Variants in UGGT2 observed in about 807,000 individuals in gnomAD.
UGGT2 encodes UDP-glucose glycoprotein glucosyltransferase 2, also known as UDP-glucose:glycoprotein glucosyltransferase 2.
In UGGT2, 180 loss-of-function variants were observed where a neutral mutation model predicts 192.1. That is an observed-to-expected ratio of 0.94 (90% CI 0.83 to 1.06). The LOEUF (loss-of-function observed/expected upper bound fraction) is 1.06. UGGT2 is among the 50% of genes least tolerant of loss of function. The pLI is 0.00. For missense variants in UGGT2, 1,849 were observed against 1,795.7 expected, an observed-to-expected ratio of 1.03 and a Z score of -0.54; for synonymous variants, 580 against 591.0, an observed-to-expected ratio of 0.98 and a Z score of 0.27.
At chr13:95,818,077 C>T (rs1237419622) in intron 38 of UGGT2, among the ~76,000 whole-genome samples, 2 of 152,098 alleles carry the variant, frequency 1.3e-5, no homozygotes, top group African/African-American at 2.4e-5. Flanking sequence ...GAGGCCAAGG[C>T]GGGAGGATGG....
intron 17 of UGGT2, among the ~76,000 whole-genome samples, chr13:95,933,337 T>C (rs1300020069): frequency 6.6e-6 from 1 of 152,220 alleles, no homozygotes; most frequent in African/African-American, 2.4e-5. Flanking sequence ...CCATATCCTC[T>C]AGATTTTCCA....
Position 95,972,605 on chromosome 13 carries a change from C to A in UGGT2, c.1159G>T (p.Asp387Tyr). ...ARLFINGLRV[D>Y]MDVYDAFSIL... ...CTAAAAGCGTCATAAACATCCATAT[C>A]AACACGAAGGCCATTTATAAATAGA... The change falls in exon 11 of 39, where the codon GAT becomes TAT. Residue 387 changes from aspartate (D) to tyrosine (Y), a missense_variant. By Grantham distance (160) the Asp-to-Tyr change is radical. Transcript: ENST00000376747. 6.2e-7 allele frequency: 1 copy of A among 1,613,576 alleles called. No individual in the cohort carries two copies. Among genetic ancestry groups the A allele is most frequent in the Non-Finnish European group, 8.5e-7 (1 of 1,179,710 alleles).
intron 37 of UGGT2, among the ~76,000 whole-genome samples, chr13:95,836,499 A>AT (rs1376958578): frequency 6.6e-6 from 1 of 152,162 alleles, no homozygotes; most frequent in Non-Finnish European, 1.5e-5. Context: ...CCATTCCTTT[A>AT]TAAGAGTAAC....
chr13:95,929,358 T>C lies in UGGT2; in HGVS notation c.1978-2022A>G, dbSNP rs1462184974. The stretch of plus-strand genomic sequence containing the variant: ...GATTGGTTACAACACAGGTGTATCA[T>C]GTAATGCTGAAGTTGGGGTTATGAC... On this transcript the variant is annotated intron_variant, in intron 17 of 38. Transcript: ENST00000376747. 4.6e-5 allele frequency among the ~76,000 whole-genome samples: 7 copies of C among 152,344 alleles called. No homozygotes were observed. The South Asian group carries it at 8.3e-4, about 18-fold the overall frequency.
At chr13:95,935,392 T>C (rs1162729766) in intron 17 of UGGT2, among the ~76,000 whole-genome samples, 1 of 152,234 alleles carries the variant, frequency 6.6e-6, no homozygotes, top group African/African-American at 2.4e-5. Context: ...TGCTTGCTTG[T>C]CTGGGAAAGA....
intron 31 of UGGT2, among the ~76,000 whole-genome samples, chr13:95,862,726 G>C (rs1464563857): frequency 6.6e-6 from 1 of 152,172 alleles, no homozygotes; most frequent in East Asian, 1.9e-4. Flanking sequence ...ACTTACAAAA[G>C]TCTATCTTAA....
chr13:95,993,847 T>C (rs1160969598), intron 7 of UGGT2, among the ~76,000 whole-genome samples: 1 of 152,044 alleles, frequency 6.6e-6, no homozygotes, highest in Non-Finnish European at 1.5e-5. Context: ...AAAGAAATCA[T>C]AAACTTTCAC....
In UGGT2 at chr13:95,840,357, AC is replaced by A. The variant is rs762302053; in HGVS notation, c.4285-3156del. Among the ~76,000 whole-genome samples the A allele has an allele frequency of 4.6e-5, 7 of 152,284 alleles. No individual in the cohort carries two copies. The South Asian group carries it at 1.5e-3, about 32-fold the overall frequency. ...CTTAAACAAATTTACAAGAAAAAAA[AC>A]AACCCCATCAAAAAGTGGGCGAAGA... On this transcript the variant is annotated intron_variant, in intron 36 of 38. Coordinates refer to ENST00000376747, the MANE Select transcript of UGGT2 (RefSeq NM_020121.4).
At chr13:95,889,129 T>C (rs543974491) in intron 25 of UGGT2, among the ~76,000 whole-genome samples, 94 of 152,280 alleles carry the variant, frequency 6.2e-4, no homozygotes, top group African/African-American at 2.1e-3. Flanking sequence ...CAAATTTAAG[T>C]AGTGTTTTTT....
intron 15 of UGGT2, among the ~76,000 whole-genome samples, chr13:95,944,559 A>T (rs2049800876): frequency 6.6e-6 from 1 of 152,006 alleles, no homozygotes; most frequent in Admixed American, 6.6e-5. Flanking sequence ...CCTAACCTCT[A>T]TGATAGTTTG....
At chr13:95,830,185 A>T (rs907251243) in intron 38 of UGGT2, among the ~76,000 whole-genome samples, 10 of 152,220 alleles carry the variant, frequency 6.6e-5, no homozygotes, top group Non-Finnish European at 1.5e-4. Context: ...CTGTAGAAGA[A>T]AACCTAGGCA....
intron 11 of UGGT2, 76 bp from the exon 12 acceptor site, chr13:95,970,338 T>A (rs1434081441): frequency 7.4e-7 from 1 of 1,347,358 alleles, no homozygotes; most frequent in Non-Finnish European, 1.0e-6. Flanking sequence ...TTGATAGTCT[T>A]AAAGCATTAG....
rs780095228 is a variant in UGGT2 at position 95,927,222 on chromosome 13, A to C, written c.2092T>G (p.Ser698Ala). The stretch of plus-strand genomic sequence containing the variant: ...TATAGGATTATTTTACCTGATGTAG[A>C]TATTAAATTGAGGTACTGCTGGTTA... ...RTNQQYLNLI[S>A]TSVTADVEDF... The change falls in exon 18 of 39, where the codon TCT (serine) becomes GCT (alanine). Residue 698 changes from serine to alanine, a missense_variant. By Grantham distance (99) the Ser-to-Ala change is moderately conservative. Coordinates refer to ENST00000376747, the MANE Select transcript of UGGT2 (RefSeq NM_020121.4). 6.2e-7 allele frequency: 1 copy of C among 1,611,646 alleles called. No individual in the cohort carries two copies. The highest frequency in any genetic ancestry group is 2.2e-5 in the East Asian group (1 of 44,728).
chr13:95,985,720 T>C (rs2051269836), intron 9 of UGGT2, among the ~76,000 whole-genome samples: 2 of 152,192 alleles, frequency 1.3e-5, no homozygotes, highest in South Asian at 2.1e-4. Context: ...TTGTGTTATA[T>C]AGCAAATTCT....
chr13:95,923,197 G>A (rs917838113), intron 20 of UGGT2, among the ~76,000 whole-genome samples: 1 of 151,874 alleles, frequency 6.6e-6, no homozygotes, highest in South Asian at 2.1e-4. Context: ...GACTACAGGC[G>A]TGCATCACCA....
chr13:95,890,038 A>G (rs907262806), intron 25 of UGGT2, among the ~76,000 whole-genome samples: 18 of 152,308 alleles, frequency 1.2e-4, no homozygotes, highest in African/African-American at 4.3e-4. Flanking sequence ...GGCAGCCTAC[A>G]CTTAGACCAG....
chr13:95,972,790 T>C (rs2050816615), intron 10 of UGGT2, 119 bp from the exon 11 acceptor site: 3 of 691,720 alleles, frequency 4.3e-6, no homozygotes, highest in Middle Eastern at 3.6e-4. Flanking sequence ...TGGCAGGCCA[T>C]ACAGTCTCTG....
chr13:95,825,028 C>G (rs1476450778), intron 38 of UGGT2, among the ~76,000 whole-genome samples: 1 of 152,048 alleles, frequency 6.6e-6, no homozygotes, highest in Non-Finnish European at 1.5e-5. Flanking sequence ...GGAGTGAAGA[C>G]TCTATGAATT....
At chr13:95,832,875 A>T (rs926229683) in intron 38 of UGGT2, 52 bp downstream of exon 38, 4 of 1,599,470 alleles carry the variant, frequency 2.5e-6, no homozygotes, top group Admixed American at 3.4e-5. Context: ...GTCTATTCTA[A>T]TCTCATTAAT....
Sources: gnomAD v4.1 joint callset for allele counts (sites outside exome capture counted in the v4.1 genomes callset) on GRCh38, gnomAD v4.1.1 for gene constraint, MANE v1.5 for transcripts, NCBI Gene and HGNC (gene_info 2026-07-23, HGNC 2026-07-21) for gene names.